IGSF23: variants seen among roughly 807,000 people sequenced by gnomAD.
The protein encoded by IGSF23 is immunoglobulin superfamily, member 23.
A neutral mutation model predicts 17.8 loss-of-function variants in IGSF23; 14 were observed. The ratio of observed to expected loss-of-function variants is 0.79; its 90% CI spans 0.52 to 1.23. The LOEUF is 1.23. IGSF23 is among the 50% of genes most tolerant of loss of function. The pLI, the probability that IGSF23 is intolerant of heterozygous loss-of-function variation, is 0.00. For missense variants in IGSF23, 214 were observed against 241.7 expected (o/e 0.89, Z 0.76); for synonymous variants, 85 against 92.5 (o/e 0.92, Z 0.46).
chr19:44,614,013 C>T (rs1568482344), intron 1 of IGSF23: 1 of 1,490,666 alleles, frequency 6.7e-7, no homozygotes, highest in Admixed American at 2.0e-5. Flanking sequence ...ACAGCGGCTT[C>T]ACCACGGGCC....
At chr19:44,631,891 C>A (rs1972775105) in intron 3 of IGSF23, among the ~76,000 whole-genome samples, 2 of 152,198 alleles carry the variant, frequency 1.3e-5, no homozygotes, top group South Asian at 4.1e-4. Flanking sequence ...AACCTTCCAG[C>A]GTGGGCGTCA....
chr19:44,629,693 G>A (rs1972727317), intron 3 of IGSF23, among the ~76,000 whole-genome samples: 1 of 144,296 alleles, frequency 6.9e-6, no homozygotes, highest in Non-Finnish European at 1.5e-5. Flanking sequence ...GAGTGCAGTG[G>A]TGCAATCTCG....
At chr19:44,629,662 T>C (rs1599742158) in intron 3 of IGSF23, among the ~76,000 whole-genome samples, 1 of 108,696 alleles carries the variant, frequency 9.2e-6, no homozygotes, top group South Asian at 3.2e-4. Context: ...TGAGACGGGG[T>C]CTCACTCCAT....
intron 1 of IGSF23, among the ~76,000 whole-genome samples, chr19:44,617,349 T>G (rs1972407100): frequency 6.6e-6 from 1 of 152,060 alleles, no homozygotes; most frequent in Non-Finnish European, 1.5e-5. Flanking sequence ...CCCAATTCTG[T>G]GAGTATACTA....
At chr19:44,616,373 T>C (rs942296214) in intron 1 of IGSF23, among the ~76,000 whole-genome samples, 3 of 152,166 alleles carry the variant, frequency 2.0e-5, no homozygotes, top group Non-Finnish European at 2.9e-5. Flanking sequence ...CTTGTAAGAA[T>C]TGCTGAACAT....
intron 3 of IGSF23, 123 bp downstream of exon 3, chr19:44,627,696 C>T: frequency 8.9e-7 from 1 of 1,117,776 alleles, no homozygotes. Flanking sequence ...GTGATAGCGA[C>T]TCCTGAGGAG....
intron 3 of IGSF23, among the ~76,000 whole-genome samples, chr19:44,633,075 A>G (rs59669162): frequency 0.2 from 30,648 of 152,142 alleles, 3,313 homozygotes; most frequent in East Asian, 0.45. Flanking sequence ...AAGAAGCTGT[A>G]CTATTACTAG....
At chr19:44,615,276 A>G (rs891912712) in intron 1 of IGSF23, among the ~76,000 whole-genome samples, 1 of 150,246 alleles carries the variant, frequency 6.7e-6, no homozygotes, top group African/African-American at 2.5e-5. Flanking sequence ...GCGACAGAGC[A>G]CGACTCCGTC....
chr19:44,619,542 G>A (rs1051547178), intron 1 of IGSF23, among the ~76,000 whole-genome samples: 7 of 152,138 alleles, frequency 4.6e-5, no homozygotes, highest in African/African-American at 1.4e-4. Context: ...TGTCCTAGTC[G>A]GCTCGGGCAA....
chr19:44,629,083 G>C (rs1046819394), intron 3 of IGSF23, among the ~76,000 whole-genome samples: 1 of 152,190 alleles, frequency 6.6e-6, no homozygotes, highest in Non-Finnish European at 1.5e-5. Flanking sequence ...GGTCAGAGAG[G>C]GAGTAGGGAG....
At chr19:44,618,063 C>T (rs1279777093) in intron 1 of IGSF23, 2 of 470,702 alleles carry the variant, frequency 4.2e-6, no homozygotes, top group African/African-American at 2.0e-5. Flanking sequence ...TCCTCCTTCC[C>T]TGCTCTTCCA....
At chr19:44,625,232 G>T (rs1027591538) in intron 2 of IGSF23, among the ~76,000 whole-genome samples, 28 of 152,344 alleles carry the variant, frequency 1.8e-4, no homozygotes, top group African/African-American at 6.5e-4. Flanking sequence ...GTGTGTAGTT[G>T]TGAGCATTCA....
chr19:44,630,795 C>T (rs1452688030), intron 3 of IGSF23, among the ~76,000 whole-genome samples: 1 of 152,190 alleles, frequency 6.6e-6, no homozygotes, highest in Non-Finnish European at 1.5e-5. Context: ...TAGGCAGGAA[C>T]CCCATGCATG....
intron 1 of IGSF23, chr19:44,614,082 AC>A: frequency 9.1e-7 from 1 of 1,102,782 alleles, no homozygotes; most frequent in South Asian, 1.3e-5. Context: ...CAGAGCTTTG[AC>A]CCTGTCAGTT....
Position 44,613,621 on chromosome 19 carries a change from C to T in IGSF23, c.-25C>T. ...GCGATTCTGCTTCTCCCTCCATCTC[C>T]CGGCGGGGATTGTACGGTGAGAGAA... is the stretch of plus-strand genomic sequence containing the variant. On this transcript the variant is annotated 5_prime_UTR_variant, in exon 1 of 5. Coordinates refer to ENST00000402988, the MANE Select transcript of IGSF23 (RefSeq NM_001205280.2). The T allele has an allele frequency of 6.6e-7, 1 of 1,523,724 alleles. No homozygotes were observed. 94.4% of individuals were successfully genotyped at this position (1,523,724 alleles called of 1,614,324 possible). A position where few individuals can be genotyped will look rare whatever the true frequency, so the allele number is the denominator to read the frequency against.
intron 3 of IGSF23, among the ~76,000 whole-genome samples, chr19:44,629,134 G>A (rs1972714930): frequency 6.6e-6 from 1 of 152,202 alleles, no homozygotes. Flanking sequence ...GGCCTTGTAG[G>A]CTCTCTGAGC....
intron 2 of IGSF23, 56 bp from the exon 3 acceptor site, chr19:44,627,364 T>A: frequency 3.5e-6 from 5 of 1,416,566 alleles, no homozygotes; most frequent in Non-Finnish European, 4.7e-6. Context: ...GAGGGAGGGG[T>A]GCACAGGGAG....
At chr19:44,615,190 G>A (rs1366575031) in intron 1 of IGSF23, among the ~76,000 whole-genome samples, 3 of 152,186 alleles carry the variant, frequency 2.0e-5, no homozygotes, top group South Asian at 2.1e-4. Flanking sequence ...TCAGAAGGCT[G>A]AGGCAGGAGA....
At chr19:44,625,894 C>T (rs1049354131) in intron 2 of IGSF23, among the ~76,000 whole-genome samples, 4 of 152,178 alleles carry the variant, frequency 2.6e-5, no homozygotes, top group African/African-American at 7.2e-5. Flanking sequence ...AGGCAGTTCC[C>T]CTGCACACAT....
Sources: allele counts gnomAD v4.1 joint callset (sites outside exome capture counted in the v4.1 genomes callset), GRCh38; gene constraint gnomAD v4.1.1; transcripts MANE v1.5; gene names NCBI Gene and HGNC (gene_info 2026-07-23, HGNC 2026-07-21).